Variants in ABCC10 observed in about 807,000 individuals in gnomAD.
ABCC10 encodes ATP binding cassette subfamily C member 10, also known as ATP-binding cassette sub-family C member 10.
In ABCC10, 110 loss-of-function variants were observed where a neutral mutation model predicts 143.2. The observed-to-expected ratio is 0.77, with a 90% CI of 0.66 to 0.90. The LOEUF (loss-of-function observed/expected upper bound fraction) is 0.90. Ranked by LOEUF, ABCC10 falls within the 40% of genes least tolerant of loss-of-function variation. ABCC10 has a pLI of 0.00. For missense variants in ABCC10, 1,700 were observed against 1,900.5 expected, an observed-to-expected ratio of 0.89 and a Z score of 1.96; for synonymous variants, 805 against 846.7, an observed-to-expected ratio of 0.95 and a Z score of 0.85.
chr6:43,443,130 T>C lies in ABCC10; in HGVS notation c.2387T>C (p.Leu796Pro). The C allele has an allele frequency of 6.2e-7, 1 of 1,607,236 alleles. No individual in the cohort carries two copies. Among genetic ancestry groups the C allele is most frequent in the Non-Finnish European group, 8.5e-7 (1 of 1,179,192 alleles). The part of the protein sequence containing the change: ...EYLERADAVL[L>P]MEAGRLIRAG... ...CTGGAGAGGGCTGACGCGGTGCTGC[T>C]GATGGAGGCCGGGCGCCTCATCCGG... Residue 796 changes from leucine (L) to proline (P), a missense_variant, in exon 10 of 22, where the codon CTG becomes CCG. Coordinates refer to ENST00000372530, the MANE Select transcript of ABCC10 (RefSeq NM_001198934.2). The surrounding 1 kb of genome is among the most constrained non-coding windows in gnomAD (Gnocchi z 4.2).
In ABCC10 at chr6:43,432,792, C is replaced by A; in HGVS notation, c.812C>A (p.Ala271Glu). ...RVFQAHWQEG[A>E]RLWRALYGAF... ...TTCCAGGCACACTGGCAGGAGGGGG[C>A]ACGGCTGTGGAGGGCCTTGTATGGG... The change falls in exon 3 of 22, where the codon GCA (alanine) becomes GAA (glutamate). Residue 271 changes from alanine to glutamate, a missense_variant. Physicochemically the swap from Ala to Glu is moderately radical, Grantham distance 107. Transcript: ENST00000372530. 6.2e-7 allele frequency: 1 copy of A among 1,614,160 alleles called. No individual in the cohort carries two copies. The highest frequency in any genetic ancestry group is 8.5e-7 in the Non-Finnish European group (1 of 1,180,024).
chr6:43,438,383 G>A, intron 7 of ABCC10: 2 of 1,422,374 alleles, frequency 1.4e-6, no homozygotes, highest in African/African-American at 1.4e-5. Context: ...CTGAGCTCCT[G>A]AACAGATGTA....
rs1562193700 is a variant in ABCC10 at position 43,444,013 on chromosome 6, A to G, written c.2494+3A>G. 1 of 1,613,766 alleles carries G rather than the reference A, an allele frequency of 6.2e-7. No homozygotes were observed. Among genetic ancestry groups the G allele is most frequent in the Non-Finnish European group, 8.5e-7 (1 of 1,179,622 alleles). On this transcript the variant is annotated splice_donor_region_variant and intron_variant, in intron 11 of 21. Coordinates refer to ENST00000372530, the MANE Select transcript of ABCC10 (RefSeq NM_001198934.2). ...GAATGGACAAGAGTCTGACTCAGGT[A>G]TGGCTCCCCAGTGGGAGAAAAGGGC...
Position 43,445,728 on chromosome 6 carries a change from C to T in ABCC10, c.3160C>T (p.Leu1054=), listed in dbSNP as rs1461971913. The stretch of plus-strand genomic sequence containing the variant: ...CCTCCTGGCCAACGCGGCAGGCCTG[C>T]TGGGGCTCCTGGCCGTGCTGGGCTC... ...NILLANAAGL[L]GLLAVLGSGL... Residue 1054 remains leucine (L), a synonymous_variant, in exon 15 of 22, where the codon CTG becomes TTG. Transcript: ENST00000372530. 2.5e-6 allele frequency: 4 copies of T among 1,614,046 alleles called. No homozygotes were observed. The African/African-American group carries it at 5.3e-5, about 22-fold the overall frequency.
intron 13 of ABCC10, 84 bp from the exon 14 acceptor site, chr6:43,445,041 G>T: frequency 6.3e-7 from 1 of 1,587,114 alleles, no homozygotes; most frequent in Non-Finnish European, 8.6e-7. Flanking sequence ...CTTCTGGAGG[G>T]TGGGAGAGAT....
chr6:43,432,436 G>A lies in ABCC10; in HGVS notation c.456G>A (p.Leu152=). The change falls in exon 3 of 22, where the codon TTG becomes TTA. Residue 152 remains leucine (L), a synonymous_variant. Transcript: ENST00000372530. ...CTCCAGCCCTAGTGCTGACCGTGTT[G>A]TGGCATTGCCAGCGAGGCACACTTC... The part of the protein sequence containing the change: ...LPAPALVLTV[L]WHCQRGTLLP... The A allele has an allele frequency of 6.2e-7, 1 of 1,611,936 alleles. No homozygotes were observed. Among genetic ancestry groups the A allele is most frequent in the Admixed American group, 1.7e-5 (1 of 60,034 alleles).
intron 3 of ABCC10, 90 bp downstream of exon 3, chr6:43,433,450 G>A: frequency 1.4e-6 from 2 of 1,456,106 alleles, no homozygotes; most frequent in South Asian, 1.5e-5. Context: ...CTGAGGGAGT[G>A]AGAGTGACCT....
At chr6:43,438,511 G>A in intron 7 of ABCC10, 113 bp from the exon 8 acceptor site, 2 of 1,479,898 alleles carry the variant, frequency 1.4e-6, no homozygotes, top group Non-Finnish European at 1.8e-6. Context: ...TGACATGAAG[G>A]GGGACCCTGT....
At chr6:43,437,201 T>G (rs1490163149) in intron 6 of ABCC10, among the ~76,000 whole-genome samples, 1 of 151,294 alleles carries the variant, frequency 6.6e-6, no homozygotes. Context: ...AATGCTCGAG[T>G]TTACAAGTTA....
Position 43,447,396 on chromosome 6 carries a change from C to T in ABCC10, c.3693C>T (p.Gly1231=). Residue 1231 remains glycine (G), a synonymous_variant, in exon 17 of 22, where the codon GGC becomes GGT. Transcript: ENST00000372530. Reference sequence around the variant, plus strand: ...GTGACCTGCCCCAGGAACCCCAGGGCCAGCCACTGCAGGTGGGCCTGTACC... The same window carrying T: ...GTGACCTGCCCCAGGAACCCCAGGGTCAGCCACTGCAGGTGGGCCTGTACC... ...YTCDLPQEPQ[G]QPLQLGTGWL... is the part of the protein sequence containing the mutation. The T allele has an allele frequency of 6.2e-7, 1 of 1,613,094 alleles. No individual in the cohort carries two copies. The highest frequency in any genetic ancestry group is 1.1e-5 in the South Asian group (1 of 91,068).
At chr6:43,450,744 A>G, downstream of ABCC10, 1 of 1,614,194 alleles carries the variant, frequency 6.2e-7, no homozygotes, top group Non-Finnish European at 8.5e-7. The surrounding 1 kb of genome is among the most constrained non-coding windows in gnomAD (Gnocchi z 4.5). Context: ...GGCAGCAGTG[A>G]GGGCCCCAAA....
In ABCC10 at chr6:43,433,303, C is replaced by T. The variant is rs1781334776; in HGVS notation, c.1323C>T (p.Ala441=). ...LLLVPVNKVI[A]TRIMASNQEM... is the part of the protein sequence containing the mutation. ...TGGTACCCGTCAACAAAGTGATTGC[C>T]ACCCGCATCATGGCCAGCAACCAGG... is the stretch of plus-strand genomic sequence containing the variant. The change falls in exon 3 of 22, where the codon GCC becomes GCT. Residue 441 remains alanine (A), a synonymous_variant. Coordinates refer to ENST00000372530, the MANE Select transcript of ABCC10 (RefSeq NM_001198934.2). The T allele has an allele frequency of 1.2e-6, 2 of 1,613,996 alleles. No individual in the cohort carries two copies. Among genetic ancestry groups the T allele is most frequent in the African/African-American group, 1.3e-5 (1 of 74,940 alleles).
intron 15 of ABCC10, 142 bp downstream of exon 15, chr6:43,446,084 G>A (rs1783041252): frequency 1.2e-5 from 14 of 1,183,998 alleles, no homozygotes; most frequent in Non-Finnish European, 1.6e-5. Flanking sequence ...ACAGAAGAAG[G>A]AGATAGGGAG....
At position 43,443,333 on chromosome 6, in the gene ABCC10, T is replaced by C. The variant is rs1420731807; in HGVS notation, c.2416+174T>C. On this transcript the variant is annotated intron_variant, in intron 10 of 21. Transcript: ENST00000372530. This position sits in a 1 kb window ranked among gnomAD's most constrained non-coding sequence, Gnocchi z 4.2. ...GAGAACAGGAGGGAAAAGGAGTACG[T>C]TGGTAAAATGCCAGTGTATTTGGGA... 4.5e-6 allele frequency: 3 copies of C among 659,638 alleles called. No homozygotes were observed. The highest frequency in any genetic ancestry group is 2.5e-5 in the South Asian group (1 of 39,484). 40.9% of individuals were successfully genotyped at this position (659,638 alleles called of 1,614,324 possible). A position where few individuals can be genotyped will look rare whatever the true frequency, so the allele number is the denominator to read the frequency against.
intron 1 of ABCC10, 28 bp from the exon 2 acceptor site, chr6:43,427,940 C>T (rs1195658511): frequency 6.2e-7 from 1 of 1,610,954 alleles, no homozygotes; most frequent in Non-Finnish European, 8.5e-7. Context: ...TTACCCTGCA[C>T]AGCCGTCACC....
chr6:43,444,100 C>A (rs1436884963), intron 11 of ABCC10, 59 bp from the exon 12 acceptor site: 2 of 1,609,318 alleles, frequency 1.2e-6, no homozygotes, highest in Admixed American at 1.7e-5. Context: ...CTCTGAAATA[C>A]TGAGTTTTCA....
downstream of ABCC10, chr6:43,450,846 G>A: frequency 6.2e-7 from 1 of 1,614,188 alleles, no homozygotes; most frequent in Non-Finnish European, 8.5e-7. This position sits in a 1 kb window ranked among gnomAD's most constrained non-coding sequence, Gnocchi z 4.5. Flanking sequence ...ACCAGCCCCT[G>A]CGCTGTGGGG....
At chr6:43,447,182 TG>T in intron 16 of ABCC10, 65 bp from the exon 17 acceptor site, 1 of 1,558,066 alleles carries the variant, frequency 6.4e-7, no homozygotes. Flanking sequence ...GTCCACAGCC[TG>T]GGGAGTCTCC....
chr6:43,445,596 C>T lies in ABCC10; in HGVS notation c.3031-3C>T. 6.2e-7 allele frequency: 1 copy of T among 1,608,308 alleles called. No individual in the cohort carries two copies. Among genetic ancestry groups the T allele is most frequent in the South Asian group, 1.1e-5 (1 of 90,748 alleles). The stretch of plus-strand genomic sequence containing the variant: ...CCTGGCCCAATCAGCGTCCTTCTCC[C>T]AGGCACCAGTGACTTTCTTCAATGC... On this transcript the variant is annotated splice_polypyrimidine_tract_variant and splice_region_variant and intron_variant, in intron 14 of 21. Transcript: ENST00000372530.
Sources: allele counts gnomAD v4.1 joint callset (sites outside exome capture counted in the v4.1 genomes callset), GRCh38; gene constraint gnomAD v4.1.1; non-coding constraint Gnocchi (gnomAD v3.1); transcripts MANE v1.5; gene names NCBI Gene and HGNC (gene_info 2026-07-23, HGNC 2026-07-21).